Variants in C6orf89 observed in about 807,000 individuals in gnomAD.
C6orf89 encodes the protein chromosome 6 open reading frame 89.
Under a neutral mutation model 40.7 loss-of-function variants are expected in C6orf89, and 29 were observed. The ratio of observed to expected loss-of-function variants is 0.71; its 90% CI spans 0.53 to 0.97. C6orf89 has a LOEUF of 0.97. C6orf89 is among the 50% of genes least tolerant of loss of function. C6orf89 has a pLI of 0.00. For missense variants in C6orf89, 392 were observed against 429.1 expected, an observed-to-expected ratio of 0.91 and a Z score of 0.76; for synonymous variants, 165 against 152.2, an observed-to-expected ratio of 1.08 and a Z score of -0.62.
intron 1 of C6orf89, among the ~76,000 whole-genome samples, chr6:36,876,599 C>T (rs1774658803): frequency 6.6e-6 from 1 of 151,994 alleles, no homozygotes; most frequent in African/African-American, 2.4e-5. Flanking sequence ...TGGTGCATGC[C>T]TGTAATCCCT....
intron 2 of C6orf89, among the ~76,000 whole-genome samples, chr6:36,895,373 T>A (rs1761383468): frequency 6.6e-6 from 1 of 152,208 alleles, no homozygotes; most frequent in Non-Finnish European, 1.5e-5. Context: ...TGCTTTGTAA[T>A]CCATCCTCCT....
Position 36,919,637 on chromosome 6 carries a change from C to G in C6orf89, c.885C>G (p.Ile295Met), listed in dbSNP as rs562183642. The G allele has an allele frequency of 6.2e-7, 1 of 1,614,046 alleles. No individual in the cohort carries two copies. Among genetic ancestry groups the G allele is most frequent in the East Asian group, 2.2e-5 (1 of 44,900 alleles). The change falls in exon 8 of 9, where the codon ATC (isoleucine) becomes ATG (methionine). Residue 295 changes from isoleucine to methionine, a missense_variant. Transcript: ENST00000480824. ...IGSGEAMLQLIPPFQCRRHCQ... is the reference protein window; with the variant it reads ...IGSGEAMLQLMPPFQCRRHCQ... ...GCGGTGAGGCCATGTTGCAGCTCAT[C>G]CCTCCCTTCCAGTGCCGAAGACATT...
At chr6:36,897,012 C>A (rs796651995) in intron 2 of C6orf89, among the ~76,000 whole-genome samples, 1 of 151,632 alleles carries the variant, frequency 6.6e-6, no homozygotes, top group Non-Finnish European at 1.5e-5. Context: ...TACCTGTAAT[C>A]CCGCTACTTG....
intron 3 of C6orf89, among the ~76,000 whole-genome samples, chr6:36,900,666 AT>A (rs1179194266): frequency 1.3e-5 from 2 of 151,504 alleles, no homozygotes; most frequent in Non-Finnish European, 2.9e-5. Flanking sequence ...CACCTGGCTA[AT>A]TTTTCTATTT....
intron 8 of C6orf89, 97 bp from the exon 9 acceptor site, chr6:36,923,250 C>T (rs1196476666): frequency 2.5e-6 from 2 of 791,560 alleles, no homozygotes; most frequent in Non-Finnish European, 4.2e-6. Context: ...TGCAGTGCAC[C>T]CTGAGGGCCA....
intron 1 of C6orf89, among the ~76,000 whole-genome samples, chr6:36,887,599 T>C (rs1775043082): frequency 6.6e-6 from 1 of 152,142 alleles, no homozygotes; most frequent in African/African-American, 2.4e-5. Flanking sequence ...AAATTGTGTA[T>C]GCAAAAGCAA....
intron 1 of C6orf89, among the ~76,000 whole-genome samples, chr6:36,893,076 A>G (rs1561860238): frequency 6.6e-6 from 1 of 152,058 alleles, no homozygotes; most frequent in East Asian, 1.9e-4. Context: ...CTGGGATTAC[A>G]GGCCTCCGCC....
intron 1 of C6orf89, among the ~76,000 whole-genome samples, chr6:36,889,582 C>CAAAAACAA (rs71556976): frequency 4.3e-4 from 61 of 140,510 alleles, no homozygotes; most frequent in African/African-American, 1.3e-3. Context: ...AAAACAAAAA[C>CAAAAACAA]AAAAAAAAAA....
intron 8 of C6orf89, among the ~76,000 whole-genome samples, chr6:36,921,150 C>T (rs1762496507): frequency 6.8e-6 from 1 of 147,114 alleles, no homozygotes; most frequent in South Asian, 2.2e-4. Flanking sequence ...AAAGGCCAGT[C>T]ACATGACAGA....
intron 1 of C6orf89, among the ~76,000 whole-genome samples, chr6:36,889,582 C>CAAAAAAAAAAAAAA (rs58417436): frequency 5.1e-4 from 72 of 140,394 alleles, no homozygotes; most frequent in Middle Eastern, 3.7e-3. Context: ...AAAACAAAAA[C>CAAAAAAAAAAAAAA]AAAAAAAAAA....
At chr6:36,887,292 C>T (rs1389731770) in intron 1 of C6orf89, among the ~76,000 whole-genome samples, 1 of 152,186 alleles carries the variant, frequency 6.6e-6, no homozygotes, top group Non-Finnish European at 1.5e-5. Context: ...AATGAATAAA[C>T]CATGAGCCAC....
chr6:36,879,800 G>A (rs1774755703), intron 2 of C6orf89, among the ~76,000 whole-genome samples: 1 of 152,066 alleles, frequency 6.6e-6, no homozygotes, highest in Admixed American at 6.5e-5. Flanking sequence ...ACTTGACCTC[G>A]TAACCACGTG....
chr6:36,885,825 C>G (rs1419525546), upstream of C6orf89: 1 of 411,702 alleles, frequency 2.4e-6, no homozygotes, highest in East Asian at 3.6e-5. Flanking sequence ...CGCGAGAGGT[C>G]CCGCGCTCGC....
intron 2 of C6orf89, among the ~76,000 whole-genome samples, chr6:36,896,979 A>C (rs1357938890): frequency 6.6e-6 from 1 of 151,838 alleles, no homozygotes; most frequent in Non-Finnish European, 1.5e-5. Context: ...AATCCAAAAA[A>C]ATTTGCTGGG....
chr6:36,924,480 TTC>T lies in C6orf89; in HGVS notation c.*1041_*1042del, dbSNP rs1335833707. 6.6e-6 allele frequency: 1 copy of T among 152,236 alleles called. No individual in the cohort carries two copies. Among genetic ancestry groups the T allele is most frequent in the Non-Finnish European group, 1.5e-5 (1 of 68,048 alleles). 9.4% of individuals were successfully genotyped at this position (152,236 alleles called of 1,614,324 possible). ...ATGTGATCCTCTGTCTTAAAATGAT[TTC>T]TGTCTGTGCTGCGAAACAAAGACAA... On this transcript the variant is annotated 3_prime_UTR_variant, in exon 9 of 9. Coordinates refer to ENST00000480824, the MANE Select transcript of C6orf89 (RefSeq NM_001286635.2).
rs1373680641 is a variant in C6orf89 at position 36,921,780 on chromosome 6, C to A, written c.950-1567C>A. ...GGGTAGCTCACACCTATAATCCCAG[C>A]ACTTTGGGAGGCCAAGGCAGGAGGA... is the stretch of plus-strand genomic sequence containing the variant. On this transcript the variant is annotated intron_variant, in intron 8 of 8. Coordinates refer to ENST00000480824, the MANE Select transcript of C6orf89 (RefSeq NM_001286635.2). Among the ~76,000 whole-genome samples, 6 of 152,320 alleles carry A rather than the reference C, an allele frequency of 3.9e-5. 1 individual carries two copies. In the East Asian group the frequency reaches 9.6e-4, roughly 24 times the overall value.
intron 1 of C6orf89, among the ~76,000 whole-genome samples, chr6:36,888,624 C>A (rs961982412): frequency 6.6e-6 from 1 of 151,976 alleles, no homozygotes; most frequent in Non-Finnish European, 1.5e-5. Context: ...AAGAGTGAGA[C>A]CCTGTCTCAG....
intron 1 of C6orf89, among the ~76,000 whole-genome samples, chr6:36,873,813 G>A (rs1424026081): frequency 1.3e-5 from 2 of 152,164 alleles, no homozygotes; most frequent in Admixed American, 6.5e-5. Flanking sequence ...CTGGTCCCTG[G>A]CTGTTGAGGG....
intron 4 of C6orf89, among the ~76,000 whole-genome samples, chr6:36,911,013 C>T (rs1268174187): frequency 6.6e-6 from 1 of 151,970 alleles, no homozygotes; most frequent in Non-Finnish European, 1.5e-5. Context: ...TACTTGTGTT[C>T]GCCTCTAACT....
Sources: allele counts gnomAD v4.1 joint callset (sites outside exome capture counted in the v4.1 genomes callset), GRCh38; gene constraint gnomAD v4.1.1; transcripts MANE v1.5; gene names NCBI Gene and HGNC (gene_info 2026-07-23, HGNC 2026-07-21).